Variants in CALN1 observed in about 807,000 individuals in gnomAD.
CALN1 encodes the protein calcium-binding protein 8.
In CALN1, 17 loss-of-function variants were observed where a neutral mutation model predicts 30.6. The ratio of observed to expected loss-of-function variants is 0.56; its 90% CI spans 0.38 to 0.83. CALN1 has a LOEUF of 0.83. CALN1 is among the 40% of genes least tolerant of loss of function. CALN1 has a pLI of 0.00. For synonymous variants in CALN1, 156 were observed against 131.4 expected, an observed-to-expected ratio of 1.19 and a Z score of -1.28; for missense variants, 291 against 354.9, an observed-to-expected ratio of 0.82 and a Z score of 1.45.
intron 3 of CALN1, among the ~76,000 whole-genome samples, chr7:72,121,433 G>C (rs1225567299): frequency 1.4e-5 from 2 of 146,004 alleles, no homozygotes; most frequent in African/African-American, 2.5e-5. Flanking sequence ...TAGATATCAT[G>C]TTATATAATT....
chr7:71,968,371 G>A (rs1017762083), intron 5 of CALN1, among the ~76,000 whole-genome samples: 3 of 152,136 alleles, frequency 2.0e-5, no homozygotes, highest in African/African-American at 7.2e-5. Context: ...CAGTTCCTAG[G>A]GGCTGGGACT....
intron 5 of CALN1, among the ~76,000 whole-genome samples, chr7:71,976,789 T>TA (rs1331300067): frequency 6.6e-6 from 1 of 152,164 alleles, no homozygotes; most frequent in Admixed American, 6.5e-5. Context: ...TGAAATCGAT[T>TA]GGAACCAAGA....
chr7:72,150,140 A>C (rs1049668171), intron 3 of CALN1, among the ~76,000 whole-genome samples: 3 of 151,866 alleles, frequency 2.0e-5, no homozygotes, highest in Non-Finnish European at 2.9e-5. Flanking sequence ...AAAAAAAAAA[A>C]AAAACAGATA....
chr7:72,150,880 T>C (rs889781637), intron 3 of CALN1, among the ~76,000 whole-genome samples: 3 of 151,332 alleles, frequency 2.0e-5, no homozygotes, highest in Non-Finnish European at 4.4e-5. Flanking sequence ...GATATGATGA[T>C]GATGATGATG....
intron 3 of CALN1, among the ~76,000 whole-genome samples, chr7:72,260,974 G>C (rs772644349): frequency 1.3e-5 from 2 of 152,120 alleles, no homozygotes; most frequent in Non-Finnish European, 2.9e-5. Flanking sequence ...TACGAGCAGA[G>C]TAACAGCAGC....
chr7:72,116,812 T>C (rs971383458), intron 3 of CALN1, among the ~76,000 whole-genome samples: 3 of 152,196 alleles, frequency 2.0e-5, no homozygotes, highest in Non-Finnish European at 2.9e-5. Context: ...AAGAGGTTTA[T>C]TCTGAGCCAA....
At chr7:71,995,982 T>C (rs1338157069) in intron 5 of CALN1, among the ~76,000 whole-genome samples, 2 of 152,096 alleles carry the variant, frequency 1.3e-5, no homozygotes, top group Non-Finnish European at 1.5e-5. Context: ...ACACCTGCCA[T>C]CTTTGCCTAA....
intron 1 of CALN1, among the ~76,000 whole-genome samples, chr7:72,446,514 CA>C (rs1808530521): frequency 6.7e-6 from 1 of 150,110 alleles, no homozygotes; most frequent in African/African-American, 2.5e-5. Flanking sequence ...AGAATGAGGG[CA>C]GGGGCGGGGA....
chr7:72,358,328 T>C (rs1422854160), intron 2 of CALN1, among the ~76,000 whole-genome samples: 1 of 152,008 alleles, frequency 6.6e-6, no homozygotes, highest in Non-Finnish European at 1.5e-5. Flanking sequence ...TGGAGTGATA[T>C]CCACTAGTGT....
chr7:72,209,029 C>T (rs200338245), intron 3 of CALN1, among the ~76,000 whole-genome samples: 34,707 of 61,068 alleles, frequency 0.57, 5,537 homozygotes, highest in East Asian at 0.74. Context: ...TCCTTCCCTC[C>T]TTCCTTCTCT....
chr7:72,334,271 A>G (rs1057009722), intron 2 of CALN1, among the ~76,000 whole-genome samples: 1 of 152,192 alleles, frequency 6.6e-6, no homozygotes, highest in Non-Finnish European at 1.5e-5. Context: ...GACAACCAGC[A>G]AACACTGCAT....
rs192413056 is a variant in CALN1, at chr7:72,000,974, T to C, written c.501+22683A>G. Among the ~76,000 whole-genome samples, 3 of 152,298 alleles carry C rather than the reference T, an allele frequency of 2.0e-5. No homozygotes were observed. In the East Asian group the frequency reaches 5.8e-4, roughly 29 times the overall value. On this transcript the variant is annotated intron_variant, in intron 5 of 6. Coordinates refer to ENST00000395275, the MANE Select transcript of CALN1 (RefSeq NM_031468.4). ...GTCTCTCTAAAATAGTAATTGGTCA[T>C]AGCTAGCACCAGGGAAAGGCAGTCT...
chr7:72,498,896 G>A, the CALN1 span, among the ~76,000 whole-genome samples: 1 of 151,328 alleles, frequency 6.6e-6, no homozygotes, highest in African/African-American at 2.4e-5. Flanking sequence ...TACTTATTTT[G>A]CAAAATATCA....
chr7:72,222,395 A>G (rs187980619), intron 3 of CALN1, among the ~76,000 whole-genome samples: 23 of 152,308 alleles, frequency 1.5e-4, no homozygotes, highest in Admixed American at 1.4e-3. Flanking sequence ...GGTATGTCAC[A>G]TGGCAAAAGC....
chr7:71,990,370 C>T (rs917288078), intron 5 of CALN1, among the ~76,000 whole-genome samples: 3 of 152,116 alleles, frequency 2.0e-5, no homozygotes, highest in African/African-American at 7.2e-5. Flanking sequence ...ATCCATCCGT[C>T]GTTTAGCATA....
At chr7:72,015,445 T>C (rs977809821) in intron 5 of CALN1, among the ~76,000 whole-genome samples, 13 of 151,578 alleles carry the variant, frequency 8.6e-5, no homozygotes, top group Non-Finnish European at 1.8e-4. Context: ...TTTTTTTTTT[T>C]TTTCTCTTTT....
the CALN1 span, among the ~76,000 whole-genome samples, chr7:72,454,112 C>T: frequency 6.6e-6 from 1 of 151,988 alleles, no homozygotes; most frequent in African/African-American, 2.4e-5. Flanking sequence ...AATGTCCGTA[C>T]GTTTTACTAA....
At chr7:71,946,367 C>CTTTT (rs34207419) in intron 5 of CALN1, among the ~76,000 whole-genome samples, 49 of 128,622 alleles carry the variant, frequency 3.8e-4, no homozygotes, top group Non-Finnish European at 5.5e-4. Context: ...TTCTTTCTTT[C>CTTTT]TTTTTTTTTT....
Position 71,784,431 on chromosome 7 carries a change from C to CT in CALN1, c.*3343dup, listed in dbSNP as rs112509429. 0.022 allele frequency: 3,673 copies of CT among 167,474 alleles called. 89 individuals carry two copies. The highest frequency in any genetic ancestry group is 0.065 in the African/African-American group (2,691 of 41,476). 10.4% of individuals were successfully genotyped at this position (167,474 alleles called of 1,614,324 possible). ...CAAGGGTTGCCATGGTAATATCCCT[C>CT]TTTTTTTTTTGTCAGATCAGTCACG... On this transcript the variant is annotated 3_prime_UTR_variant, in exon 7 of 7. Coordinates refer to ENST00000395275, the MANE Select transcript of CALN1 (RefSeq NM_031468.4).
Sources: allele counts gnomAD v4.1 joint callset (sites outside exome capture counted in the v4.1 genomes callset), GRCh38; gene constraint gnomAD v4.1.1; transcripts MANE v1.5; gene names NCBI Gene and HGNC (gene_info 2026-07-23, HGNC 2026-07-21).